GAL3ST2: variants seen among roughly 807,000 people sequenced by gnomAD.
GAL3ST2 encodes the protein galactose-3-O-sulfotransferase 2.
GAL3ST2 carries 16 observed loss-of-function variants against 12.9 expected under a neutral mutation model. That is an observed-to-expected ratio of 1.24 (90% CI 0.84 to 1.88). The LOEUF is 1.88. Ranked by LOEUF, GAL3ST2 falls within the 40% of genes most tolerant of loss-of-function variation. The probability of loss-of-function intolerance (pLI) is 0.00; values close to 1 mark genes in which losing one functional copy is unlikely to be tolerated. For missense variants in GAL3ST2, 639 were observed against 571.8 expected (o/e 1.12, Z -1.20); for synonymous variants, 302 against 273.9 (o/e 1.10, Z -1.01).
rs1575363680 is a variant in GAL3ST2 at position 241,789,863 on chromosome 2, A to G, written c.30-9202A>G. Among the ~76,000 whole-genome samples, 6 of 151,142 alleles carry G rather than the reference A, an allele frequency of 4.0e-5. 1 individual carries two copies. In the South Asian group the frequency reaches 1.3e-3, roughly 32 times the overall value. ...CTGATAACAGTGAGACTCCATCTCA[A>G]AAAAAAAAGAAAGAAAAAATGTACT... On this transcript the variant is annotated intron_variant, in intron 1 of 3. Transcript: ENST00000192314.
rs1188666948 is a variant in GAL3ST2 at position 241,795,252 on chromosome 2, A to G, written c.30-3813A>G. On this transcript the variant is annotated intron_variant, in intron 1 of 3. Coordinates refer to ENST00000192314, the MANE Select transcript of GAL3ST2 (RefSeq NM_022134.3). The surrounding 1 kb of genome is among the most constrained non-coding windows in gnomAD (Gnocchi z 4.5). ...ACCTGACCCCTGCAGGTGTGGGACC[A>G]GCAGGTCTTTTGGCAAAAGGGAAGA... is the stretch of plus-strand genomic sequence containing the variant. 6.6e-6 allele frequency among the ~76,000 whole-genome samples: 1 copy of G among 152,332 alleles called. No homozygotes were observed. Among genetic ancestry groups the G allele is most frequent in the Admixed American group, 6.5e-5 (1 of 15,304 alleles).
At chr2:241,789,469 T>C (rs1699670955) in intron 1 of GAL3ST2, among the ~76,000 whole-genome samples, 2 of 152,268 alleles carry the variant, frequency 1.3e-5, no homozygotes, top group African/African-American at 4.8e-5. Flanking sequence ...CTGAGTTATT[T>C]CCTTTAATAT....
rs1699904907 is a variant in GAL3ST2 at position 241,804,188 on chromosome 2, G to T, written c.*22G>T. 3 of 1,391,036 alleles carry T rather than the reference G, an allele frequency of 2.2e-6. No individual in the cohort carries two copies. Among genetic ancestry groups the T allele is most frequent in the Admixed American group, 3.2e-5 (1 of 31,508 alleles). The allele number at this position is 1,391,036 out of a possible 1,614,324, so 86.2% of individuals were successfully genotyped here. On this transcript the variant is annotated 3_prime_UTR_variant, in exon 4 of 4. Transcript: ENST00000192314. Reference sequence around the variant, plus strand: ...GTAGAGGGGCCGGGCCGGGGACGAGGCCTCCTGCGGACACCAGCTCCTCTC... The same window carrying T: ...GTAGAGGGGCCGGGCCGGGGACGAGTCCTCCTGCGGACACCAGCTCCTCTC...
In GAL3ST2 at chr2:241,795,219, A is replaced by T. The variant is rs1377724290; in HGVS notation, c.30-3846A>T. Among the ~76,000 whole-genome samples the T allele has an allele frequency of 6.6e-6, 1 of 152,096 alleles. No homozygotes were observed. Among genetic ancestry groups the T allele is most frequent in the East Asian group, 1.9e-4 (1 of 5,174 alleles). On this transcript the variant is annotated intron_variant, in intron 1 of 3. Transcript: ENST00000192314. The surrounding 1 kb of genome is among the most constrained non-coding windows in gnomAD (Gnocchi z 4.5). The stretch of plus-strand genomic sequence containing the variant: ...CCCCTTCCCGGTTGCTCCAACACTG[A>T]CCACCCTACCTGACCCCTGCAGGTG...
rs1559415669 is a variant in GAL3ST2 at position 241,793,626 on chromosome 2, ATT to A, written c.30-5438_30-5437del. On this transcript the variant is annotated intron_variant, in intron 1 of 3. Transcript: ENST00000192314. This position sits in a 1 kb window ranked among gnomAD's most constrained non-coding sequence, Gnocchi z 4.7. ...ATGTGTGTGTATTGTGTGTGTACAT[ATT>A]GTGTTTGTGTGTACATATTGTGTAT... Among the ~76,000 whole-genome samples the A allele has an allele frequency of 8.8e-6, 1 of 113,950 alleles. No homozygotes were observed. Among genetic ancestry groups the A allele is most frequent in the Non-Finnish European group, 1.7e-5 (1 of 59,586 alleles). The allele number at this position is 113,950 out of a possible 152,430, so 74.8% of individuals were successfully genotyped here. A position where few individuals can be genotyped will look rare whatever the true frequency, so the allele number is the denominator to read the frequency against.
intron 1 of GAL3ST2, among the ~76,000 whole-genome samples, chr2:241,787,667 G>C (rs938578132): frequency 6.6e-6 from 1 of 151,704 alleles, no homozygotes; most frequent in Non-Finnish European, 1.5e-5. Context: ...GAGAAGATGA[G>C]TTTCTTTTCC....
At chr2:241,777,368 GC>G (rs958233950) in intron 1 of GAL3ST2, among the ~76,000 whole-genome samples, 129 of 152,286 alleles carry the variant, frequency 8.5e-4, no homozygotes, top group African/African-American at 2.9e-3. Flanking sequence ...TGGTGGGAGT[GC>G]CAGGCGCTTG....
At chr2:241,788,313 G>A (rs184531072) in intron 1 of GAL3ST2, among the ~76,000 whole-genome samples, 5 of 152,270 alleles carry the variant, frequency 3.3e-5, no homozygotes, top group African/African-American at 7.2e-5. Context: ...TGACCTCGGC[G>A]TGTATAATGG....
At chr2:241,784,788 A>G (rs1395111639) in intron 1 of GAL3ST2, among the ~76,000 whole-genome samples, 1 of 152,228 alleles carries the variant, frequency 6.6e-6, no homozygotes, top group African/African-American at 2.4e-5. Flanking sequence ...CAGATTCTTA[A>G]TAACCTGTTT....
At chr2:241,781,767 T>G (rs78372708) in intron 1 of GAL3ST2, among the ~76,000 whole-genome samples, 24,700 of 134,004 alleles carry the variant, frequency 0.18, no homozygotes, top group African/African-American at 0.32. Flanking sequence ...CTATGTCGTT[T>G]TTGGACTTTA....
chr2:241,802,163 GTT>G lies in GAL3ST2; in HGVS notation c.375+128_375+129del. ...TGGGGGCGGGGCGTGCAGAAGGCGG[GTT>G]GGGAGGGCCTGGGCCGCACGCCCTG... On this transcript the variant is annotated intron_variant, in intron 3 of 3. Coordinates refer to ENST00000192314, the MANE Select transcript of GAL3ST2 (RefSeq NM_022134.3). This position sits in a 1 kb window ranked among gnomAD's most constrained non-coding sequence, Gnocchi z 4.8. 8.9e-7 allele frequency: 1 copy of G among 1,124,894 alleles called. No homozygotes were observed. The allele number at this position is 1,124,894 out of a possible 1,614,324, so 69.7% of individuals were successfully genotyped here. A position where few individuals can be genotyped will look rare whatever the true frequency, so the allele number is the denominator to read the frequency against.
intron 1 of GAL3ST2, among the ~76,000 whole-genome samples, chr2:241,778,105 T>C (rs943387925): frequency 2.0e-5 from 3 of 152,228 alleles, no homozygotes; most frequent in South Asian, 2.1e-4. Context: ...CCAGGCTTCA[T>C]TGAGCACGGC....
rs1282496786 is a variant in GAL3ST2, at chr2:241,793,783, G to A, written c.30-5282G>A. On this transcript the variant is annotated intron_variant, in intron 1 of 3. Coordinates refer to ENST00000192314, the MANE Select transcript of GAL3ST2 (RefSeq NM_022134.3). The surrounding 1 kb of genome is among the most constrained non-coding windows in gnomAD (Gnocchi z 4.7). The stretch of plus-strand genomic sequence containing the variant: ...TGTATGTGTAGTGTGTATTATTTGT[G>A]TGTGTGTGTATTGTGTGTGTATGTT... Among the ~76,000 whole-genome samples the A allele has an allele frequency of 1.3e-5, 2 of 151,716 alleles. No individual in the cohort carries two copies. Among genetic ancestry groups the A allele is most frequent in the Non-Finnish European group, 2.9e-5 (2 of 67,912 alleles).
Position 241,799,066 on chromosome 2 carries a change from T to TA in GAL3ST2, c.32dup (p.Tyr11Ter). The TA allele has an allele frequency of 6.2e-7, 1 of 1,613,188 alleles. No homozygotes were observed. Among genetic ancestry groups the TA allele is most frequent in the Non-Finnish European group, 8.5e-7 (1 of 1,179,812 alleles). Residue 11 changes from tyrosine (Y) to a stop codon, truncating the protein, a stop_gained and frameshift_variant and splice_region_variant, in exon 2 of 4, where the codon TAC becomes TAAC. Coordinates refer to ENST00000192314, the MANE Select transcript of GAL3ST2 (RefSeq NM_022134.3). LOFTEE classifies it high-confidence loss of function. Reference sequence around the variant, plus strand: ...ACTCATGGCCTGCCCTTTCCACAGATACTTCCGGGTCATCCTCCTCCTCCT... The same window carrying TA: ...ACTCATGGCCTGCCCTTTCCACAGATAACTTCCGGGTCATCCTCCTCCTCCT... MMSMLGGLQR[Y>*]FRVILLLLLA... is the part of the protein sequence containing the mutation.
At chr2:241,777,114 A>G (rs1157888070) in intron 1 of GAL3ST2, 130 bp downstream of exon 1, 8 of 840,302 alleles carry the variant, frequency 9.5e-6, no homozygotes, top group Non-Finnish European at 1.3e-5. Flanking sequence ...GTTCCTACTC[A>G]GGCTTCCCTG....
chr2:241,797,789 CT>C (rs1699791088), intron 1 of GAL3ST2, among the ~76,000 whole-genome samples: 1 of 152,362 alleles, frequency 6.6e-6, no homozygotes, highest in South Asian at 2.1e-4. Context: ...CCCCAGCCCC[CT>C]GGCCCGCTTT....
chr2:241,793,458 G>A lies in GAL3ST2; in HGVS notation c.30-5607G>A, dbSNP rs199724556. On this transcript the variant is annotated intron_variant, in intron 1 of 3. Coordinates refer to ENST00000192314, the MANE Select transcript of GAL3ST2 (RefSeq NM_022134.3). The surrounding 1 kb of genome is among the most constrained non-coding windows in gnomAD (Gnocchi z 4.7). ...ACGTGTATGTATGTACTGTGTATGCGTGTGTATGTGTATGCATGTGTATTA... is the reference window on the plus strand; with the variant it reads ...ACGTGTATGTATGTACTGTGTATGCATGTGTATGTGTATGCATGTGTATTA... Among the ~76,000 whole-genome samples the A allele has an allele frequency of 0.022, 3,194 of 147,134 alleles. 180 individuals are homozygous for A. The highest frequency in any genetic ancestry group is 0.11 in the Admixed American group (1,644 of 14,986).
intron 1 of GAL3ST2, among the ~76,000 whole-genome samples, chr2:241,787,269 T>C (rs1402020338): frequency 6.6e-6 from 1 of 152,220 alleles, no homozygotes; most frequent in Non-Finnish European, 1.5e-5. Context: ...TTCCTGAGGC[T>C]GGCAAACAAA....
At chr2:241,783,147 A>G (rs983166142) in intron 1 of GAL3ST2, among the ~76,000 whole-genome samples, 2 of 152,046 alleles carry the variant, frequency 1.3e-5, no homozygotes, top group Non-Finnish European at 2.9e-5. Flanking sequence ...TCCAAAAAAA[A>G]AAACCCACAC....
Sources: allele counts gnomAD v4.1 joint callset (sites outside exome capture counted in the v4.1 genomes callset), GRCh38; gene constraint gnomAD v4.1.1; non-coding constraint Gnocchi (gnomAD v3.1); transcripts MANE v1.5; gene names NCBI Gene and HGNC (gene_info 2026-07-23, HGNC 2026-07-21).